FAM174B: variants seen among roughly 807,000 people sequenced by gnomAD.
FAM174B encodes the protein membrane protein FAM174B.
A neutral mutation model predicts 10.9 loss-of-function variants in FAM174B; 12 were observed. That is an observed-to-expected ratio of 1.10 (90% CI 0.71 to 1.79). The LOEUF is 1.79. Ranked by LOEUF, FAM174B falls within the 40% of genes most tolerant of loss-of-function variation. The pLI is 0.00. For missense variants in FAM174B, 266 were observed against 233.3 expected (o/e 1.14, Z -0.91); for synonymous variants, 132 against 115.8 (o/e 1.14, Z -0.90).
At chr15:92,645,543 A>G (rs937025776) in intron 1 of FAM174B, 3 of 152,212 alleles carry the variant, frequency 2.0e-5, no homozygotes, top group Non-Finnish European at 4.4e-5. Flanking sequence ...CACACAGTAA[A>G]TCCGGCAACA....
intron 2 of FAM174B, among the ~76,000 whole-genome samples, chr15:92,622,556 TC>T (rs34039827): frequency 0.083 from 12,693 of 152,308 alleles, 860 homozygotes; most frequent in African/African-American, 0.18. Flanking sequence ...TCTAGCTGTT[TC>T]CCTGTGGCCA....
chr15:92,629,268 A>G (rs575480681), intron 2 of FAM174B, among the ~76,000 whole-genome samples: 4 of 152,288 alleles, frequency 2.6e-5, no homozygotes, highest in African/African-American at 7.2e-5. Flanking sequence ...TCTCAAAACT[A>G]TGCTCATCCT....
At chr15:92,646,501 G>T (rs942182007) in intron 1 of FAM174B, among the ~76,000 whole-genome samples, 1 of 152,126 alleles carries the variant, frequency 6.6e-6, no homozygotes, top group East Asian at 1.9e-4. Context: ...CCTCCTCTCA[G>T]CAAGGCTATT....
Position 92,630,334 on chromosome 15 carries a change from C to G in FAM174B, c.356G>C (p.Arg119Thr). The stretch of plus-strand genomic sequence containing the variant: ...ATCATACTTGCGTGTCTTCTTTAAC[C>G]TCTTTCCCGACCTGCAGGAGAAGAA... ...LLLRVFRSGK[R>T]LKKTRKYDII... The change falls in exon 2 of 3, where the codon AGG becomes ACG. Residue 119 changes from arginine (R) to threonine (T), a missense_variant. Physicochemically the swap from Arg to Thr is moderately conservative, Grantham distance 71 (BLOSUM62 -1). Coordinates refer to ENST00000327355, the MANE Select transcript of FAM174B (RefSeq NM_207446.3). 6.2e-7 allele frequency: 1 copy of G among 1,612,324 alleles called. No individual in the cohort carries two copies. The highest frequency in any genetic ancestry group is 8.5e-7 in the Non-Finnish European group (1 of 1,179,014).
At chr15:92,646,902 C>A (rs1021394019) in intron 1 of FAM174B, among the ~76,000 whole-genome samples, 1 of 152,186 alleles carries the variant, frequency 6.6e-6, no homozygotes, top group South Asian at 2.1e-4. Context: ...TATTTGATAT[C>A]TCATGTCTCC....
chr15:92,640,368 A>G (rs1460354050), intron 1 of FAM174B, among the ~76,000 whole-genome samples: 1 of 151,990 alleles, frequency 6.6e-6, no homozygotes, highest in Non-Finnish European at 1.5e-5. Context: ...CCTAGCTAAC[A>G]TGGTGAAACC....
chr15:92,642,983 T>A (rs1185340178), intron 1 of FAM174B, among the ~76,000 whole-genome samples: 1 of 152,188 alleles, frequency 6.6e-6, no homozygotes, highest in Non-Finnish European at 1.5e-5. Context: ...GGGAAATCTA[T>A]ACACAGAAAG....
At chr15:92,639,867 G>A (rs1398536108) in intron 1 of FAM174B, among the ~76,000 whole-genome samples, 1 of 152,104 alleles carries the variant, frequency 6.6e-6, no homozygotes. Context: ...AAGCTGCTAT[G>A]CTTCCTGTAC....
chr15:92,629,493 C>T (rs1311488651), intron 2 of FAM174B, among the ~76,000 whole-genome samples: 2 of 152,210 alleles, frequency 1.3e-5, no homozygotes, highest in African/African-American at 2.4e-5. Context: ...ATAAGCGAGG[C>T]TGAAAGAGAA....
intron 1 of FAM174B, among the ~76,000 whole-genome samples, chr15:92,637,601 C>T (rs903570425): frequency 6.6e-6 from 1 of 152,194 alleles, no homozygotes; most frequent in African/African-American, 2.4e-5. Flanking sequence ...TTTCCTATAT[C>T]CTCAAGCCTG....
In FAM174B at chr15:92,655,458, AG is replaced by A. The variant is rs2141968410; in HGVS notation, c.201del (p.Ser68ProfsTer11). The A allele has an allele frequency of 4.8e-6, 3 of 630,640 alleles. No individual in the cohort carries two copies. Among genetic ancestry groups the A allele is most frequent in the Admixed American group, 7.8e-5 (2 of 25,592 alleles). 39.1% of individuals were successfully genotyped at this position (630,640 alleles called of 1,614,324 possible). On this transcript the variant is annotated frameshift_variant, in exon 1 of 3. Coordinates refer to ENST00000327355, the MANE Select transcript of FAM174B (RefSeq NM_207446.3). LOFTEE classifies it high-confidence loss of function. ...GCGTCGCCACTGCTGTTGGAGCTGGAGCTGCCGCTGCCGCCCGCCGCCCCAG... is the reference window on the plus strand; with the variant it reads ...GCGTCGCCACTGCTGTTGGAGCTGGACTGCCGCTGCCGCCCGCCGCCCCAG... ...FGSGAAGGSGSSSSNSSGDAL... is the reference protein window; with the variant it reads ...FGSGAAGGSGXSSSNSSGDAL...
Position 92,619,476 on chromosome 15 carries a change from G to T in FAM174B, c.477-17C>A, listed in dbSNP as rs113086779. 3.9e-3 allele frequency: 6,288 copies of T among 1,613,044 alleles called. 227 individuals carry two copies. The African/African-American group carries it at 0.075, about 19-fold the overall frequency. On this transcript the variant is annotated splice_polypyrimidine_tract_variant and intron_variant, in intron 2 of 2. Transcript: ENST00000327355. The stretch of plus-strand genomic sequence containing the variant: ...AGGTTTTACCTAAAAGAAAGGGAAG[G>T]ACAAGAGTAAGCCCCTTCTGGCAGA...
At chr15:92,655,118 C>G in intron 1 of FAM174B, 198 bp downstream of exon 1, 2 of 616,234 alleles carry the variant, frequency 3.2e-6, no homozygotes, top group Non-Finnish European at 4.8e-6. Context: ...AAGAAAATTC[C>G]TAAAACATGT....
intron 1 of FAM174B, among the ~76,000 whole-genome samples, chr15:92,632,837 T>G (rs1340947691): frequency 6.6e-6 from 1 of 152,160 alleles, no homozygotes; most frequent in African/African-American, 2.4e-5. Context: ...ACTATGTTTT[T>G]ACCTTTAGGA....
intron 2 of FAM174B, among the ~76,000 whole-genome samples, chr15:92,628,672 C>G (rs573181851): frequency 6.6e-6 from 1 of 152,200 alleles, no homozygotes; most frequent in African/African-American, 2.4e-5. Flanking sequence ...TTATCCATAA[C>G]CAATCCGTTT....
intron 1 of FAM174B, among the ~76,000 whole-genome samples, chr15:92,630,843 T>C (rs112618894): frequency 4.1e-5 from 2 of 48,860 alleles, no homozygotes; most frequent in East Asian, 8.7e-4. Context: ...TTATATATAT[T>C]ACATATTACA....
intron 1 of FAM174B, among the ~76,000 whole-genome samples, chr15:92,650,684 C>T (rs1205526095): frequency 6.6e-6 from 1 of 152,212 alleles, no homozygotes; most frequent in Admixed American, 6.5e-5. Context: ...GGTACTGATA[C>T]CAGCAGTCCT....
At chr15:92,637,611 G>T (rs1418021351) in intron 1 of FAM174B, among the ~76,000 whole-genome samples, 1 of 152,188 alleles carries the variant, frequency 6.6e-6, no homozygotes, top group Non-Finnish European at 1.5e-5. Context: ...CCTCAAGCCT[G>T]TTTAAACCCC....
chr15:92,619,518 G>T, intron 2 of FAM174B, 59 bp from the exon 3 acceptor site: 1 of 1,582,524 alleles, frequency 6.3e-7, no homozygotes, highest in South Asian at 1.2e-5. Flanking sequence ...CACCCATTCT[G>T]ACCCCTCCTG....
Sources: allele counts gnomAD v4.1 joint callset (sites outside exome capture counted in the v4.1 genomes callset), GRCh38; gene constraint gnomAD v4.1.1; transcripts MANE v1.5; gene names NCBI Gene and HGNC (gene_info 2026-07-23, HGNC 2026-07-21).